The following KAZN variants were observed in gnomAD, a reference collection of about 807,000 sequenced individuals.
The protein encoded by KAZN is kazrin.
Under a neutral mutation model 87.4 loss-of-function variants are expected in KAZN, and 40 were observed. That is an observed-to-expected ratio of 0.46 (90% confidence interval 0.36 to 0.60). KAZN has a LOEUF of 0.60. Among genes scored for constraint, KAZN ranks in the 20% least tolerant of loss-of-function variants. KAZN has a pLI of 0.00. For synonymous variants in KAZN, 466 were observed against 458.3 expected (o/e 1.02, Z -0.22); for missense variants, 898 against 1,073.9 (o/e 0.84, Z 2.29).
At chr1:14,120,740 C>G (rs1232927471) in intron 1 of KAZN, among the ~76,000 whole-genome samples, 1 of 152,204 alleles carries the variant, frequency 6.6e-6, no homozygotes, top group Non-Finnish European at 1.5e-5. Context: ...GCTTCTGGTA[C>G]CCATGCATCC....
intron 1 of KAZN, among the ~76,000 whole-genome samples, chr1:14,174,371 T>A (rs1415444917): frequency 1.3e-5 from 2 of 152,126 alleles, no homozygotes; most frequent in Non-Finnish European, 2.9e-5. Flanking sequence ...GTGATGTTGC[T>A]CAGTAGCTCC....
chr1:14,635,343 C>A (rs1375028192), intron 1 of KAZN, among the ~76,000 whole-genome samples: 1 of 152,194 alleles, frequency 6.6e-6, no homozygotes, highest in Non-Finnish European at 1.5e-5. Flanking sequence ...CTGGTCTCCA[C>A]CCACTGGGTA....
At chr1:15,054,143 C>T (rs1674692390) in intron 4 of KAZN, among the ~76,000 whole-genome samples, 1 of 152,012 alleles carries the variant, frequency 6.6e-6, no homozygotes, top group Non-Finnish European at 1.5e-5. Flanking sequence ...AGGAAGAACT[C>T]CAGGCCTGGG....
At chr1:15,106,799 G>T (rs536781755) in intron 13 of KAZN, among the ~76,000 whole-genome samples, 19 of 152,250 alleles carry the variant, frequency 1.2e-4, no homozygotes, top group Non-Finnish European at 1.8e-4. Context: ...TATCTGCTTT[G>T]ACACACACTG....
intron 1 of KAZN, among the ~76,000 whole-genome samples, chr1:13,934,887 G>A (rs960470075): frequency 6.6e-6 from 1 of 152,180 alleles, no homozygotes; most frequent in African/African-American, 2.4e-5. Context: ...TAACCCCAGT[G>A]CAGGTTCAAT....
intron 1 of KAZN, among the ~76,000 whole-genome samples, chr1:14,003,339 A>G (rs900542696): frequency 1.3e-5 from 2 of 152,008 alleles, no homozygotes; most frequent in African/African-American, 4.8e-5. Context: ...AATTAAAAAA[A>G]AAAAAAAAGA....
intron 2 of KAZN, among the ~76,000 whole-genome samples, chr1:14,488,630 A>C (rs1203769627): frequency 6.6e-6 from 1 of 152,238 alleles, no homozygotes; most frequent in Non-Finnish European, 1.5e-5. Flanking sequence ...AAGCGTCTTC[A>C]ATCACAGGCT....
chr1:13,975,039 A>G (rs1481574705), intron 1 of KAZN, among the ~76,000 whole-genome samples: 3 of 152,106 alleles, frequency 2.0e-5, no homozygotes, highest in Admixed American at 6.5e-5. Flanking sequence ...TTTATTGATC[A>G]CTTTCCATGT....
At chr1:14,879,390 T>C (rs1044975361) in intron 1 of KAZN, among the ~76,000 whole-genome samples, 1 of 152,250 alleles carries the variant, frequency 6.6e-6, no homozygotes, top group South Asian at 2.1e-4. Context: ...TATATGATGA[T>C]TGAGAAGTCA....
In KAZN at chr1:14,856,532, C is replaced by T. The variant is rs989134750; in HGVS notation, c.227-104152C>T. On this transcript the variant is annotated intron_variant, in intron 1 of 14. Transcript: ENST00000376030. This position sits in a 1 kb window ranked among gnomAD's most constrained non-coding sequence, Gnocchi z 5.2. ...GTTCCCCAGGAAGGTCACATAAATG[C>T]TCATTAATATGAACACTATGTTCAT... Among the ~76,000 whole-genome samples the T allele has an allele frequency of 2.6e-5, 4 of 152,168 alleles. No homozygotes were observed. The highest frequency in any genetic ancestry group is 2.1e-4 in the South Asian group (1 of 4,834).
chr1:13,907,824 C>T (rs1056781061), intron 1 of KAZN, among the ~76,000 whole-genome samples: 2 of 152,198 alleles, frequency 1.3e-5, no homozygotes, highest in African/African-American at 4.8e-5. Flanking sequence ...ACTTCTCCCA[C>T]CGCAACATTT....
At chr1:14,377,374 C>T (rs551467739) in intron 2 of KAZN, among the ~76,000 whole-genome samples, 14 of 152,152 alleles carry the variant, frequency 9.2e-5, no homozygotes, top group South Asian at 2.1e-4. Context: ...AGTGGAAAGA[C>T]GGTGCATTAT....
chr1:14,008,293 G>A (rs901728496), intron 1 of KAZN, among the ~76,000 whole-genome samples: 6 of 152,112 alleles, frequency 3.9e-5, no homozygotes, highest in Non-Finnish European at 5.9e-5. Context: ...ATGACTTCTC[G>A]CCACCGTCCC....
chr1:14,535,988 T>G (rs1672483793), intron 2 of KAZN, among the ~76,000 whole-genome samples: 1 of 152,190 alleles, frequency 6.6e-6, no homozygotes, highest in African/African-American at 2.4e-5. Flanking sequence ...AAAAGCTCTC[T>G]GGGGCAGCCA....
intron 1 of KAZN, among the ~76,000 whole-genome samples, chr1:14,840,318 A>G (rs975625242): frequency 6.6e-6 from 1 of 152,166 alleles, no homozygotes; most frequent in Non-Finnish European, 1.5e-5. Flanking sequence ...CTGGCAAATC[A>G]TCTCATTTCA....
At chr1:14,887,835 T>C (rs1036758515) in intron 1 of KAZN, among the ~76,000 whole-genome samples, 2 of 152,166 alleles carry the variant, frequency 1.3e-5, no homozygotes, top group African/African-American at 2.4e-5. Context: ...TAATGATCTT[T>C]ATCATTAGGA....
intron 4 of KAZN, among the ~76,000 whole-genome samples, chr1:15,046,091 A>G (rs1000657985): frequency 6.6e-6 from 1 of 152,194 alleles, no homozygotes; most frequent in African/African-American, 2.4e-5. Context: ...TGAGGTCAGG[A>G]GTTCGAGACC....
chr1:14,200,114 T>A (rs1294349213), intron 2 of KAZN, among the ~76,000 whole-genome samples: 1 of 152,100 alleles, frequency 6.6e-6, no homozygotes, highest in Non-Finnish European at 1.5e-5. Context: ...AAACCCTATC[T>A]CTTGCTCACA....
intron 1 of KAZN, among the ~76,000 whole-genome samples, chr1:14,761,258 A>C (rs958035440): frequency 6.6e-6 from 1 of 152,152 alleles, no homozygotes; most frequent in African/African-American, 2.4e-5. Context: ...GCTCCTGCTC[A>C]TCACTCAAGT....
Sources: allele counts gnomAD v4.1 joint callset (sites outside exome capture counted in the v4.1 genomes callset), GRCh38; gene constraint gnomAD v4.1.1; non-coding constraint Gnocchi (gnomAD v3.1); transcripts MANE v1.5; gene names NCBI Gene and HGNC (gene_info 2026-07-23, HGNC 2026-07-21).